CDYL: variants seen among roughly 807,000 people sequenced by gnomAD.
The protein encoded by CDYL is chromodomain Y like.
Under a neutral mutation model 47.3 loss-of-function variants are expected in CDYL, and 8 were observed. The observed-to-expected ratio is 0.17, with a 90% CI of 0.10 to 0.31. The LOEUF (loss-of-function observed/expected upper bound fraction) is 0.31. Among genes scored for constraint, CDYL ranks in the 10% least tolerant of loss-of-function variants. CDYL has a pLI of 1.00. For missense variants in CDYL, 471 were observed against 701.4 expected, an observed-to-expected ratio of 0.67 and a Z score of 3.71; for synonymous variants, 266 against 265.0, an observed-to-expected ratio of 1.00 and a Z score of -0.04.
At chr6:4,780,159 T>TCCCAG (rs1269649958) in intron 1 of CDYL, among the ~76,000 whole-genome samples, 2 of 152,058 alleles carry the variant, frequency 1.3e-5, no homozygotes, top group Admixed American at 6.6e-5. Flanking sequence ...CTAACTTTCA[T>TCCCAG]CCCAGCTCTA....
intron 2 of CDYL, among the ~76,000 whole-genome samples, chr6:4,911,058 C>T (rs1471740717): frequency 2.6e-5 from 4 of 152,110 alleles, no homozygotes; most frequent in Non-Finnish European, 5.9e-5. Flanking sequence ...GATCTCTTGA[C>T]CTCGTGATCC....
chr6:4,915,955 C>T (rs1357357397), intron 2 of CDYL, among the ~76,000 whole-genome samples: 1 of 152,238 alleles, frequency 6.6e-6, no homozygotes, highest in African/African-American at 2.4e-5. Flanking sequence ...ATAGGGCTTA[C>T]TCTTGCAACC....
At position 4,935,640 on chromosome 6, in the gene CDYL, C is replaced by A. The variant is rs192478143; in HGVS notation, c.817C>A (p.Arg273=). Residue 273 remains arginine, a synonymous_variant, in exon 3 of 7, where the codon CGA becomes AGA. Transcript: ENST00000397588. The stretch of plus-strand genomic sequence containing the variant: ...CAGAAGAGACCAGCCTTTTGACAAG[C>A]GATTGCGTTTCAGCGTGAGGCAAAC... ...DDRRDQPFDK[R]LRFSVRQTES... The A allele has an allele frequency of 3.3e-4, 537 of 1,614,186 alleles. No individual in the cohort carries two copies. The highest frequency in any genetic ancestry group is 2.7e-3 in the Admixed American group (161 of 60,030).
At chr6:4,799,341 G>C (rs1008764518) in intron 1 of CDYL, among the ~76,000 whole-genome samples, 4 of 152,118 alleles carry the variant, frequency 2.6e-5, no homozygotes, top group Admixed American at 2.6e-4. Context: ...CTTGGTGAAT[G>C]TTCTGTGTGT....
At chr6:4,728,107 C>G (rs140072569) in intron 2 of CDYL, among the ~76,000 whole-genome samples, 1 of 152,200 alleles carries the variant, frequency 6.6e-6, no homozygotes. Flanking sequence ...TTTAAGGACT[C>G]TTTCTTCAAC....
chr6:4,923,880 G>A (rs1241379504), intron 2 of CDYL, among the ~76,000 whole-genome samples: 1 of 140,190 alleles, frequency 7.1e-6, no homozygotes, highest in Non-Finnish European at 1.5e-5. Context: ...CAGCCTGGGT[G>A]ACAGAGTGAG....
intron 2 of CDYL, among the ~76,000 whole-genome samples, chr6:4,723,370 T>A (rs1462635542): frequency 2.0e-5 from 3 of 151,978 alleles, no homozygotes; most frequent in Non-Finnish European, 4.4e-5. Flanking sequence ...TGCACTGTGC[T>A]GAGCAGGAAT....
chr6:4,948,685 C>T (rs1389062309), intron 5 of CDYL, among the ~76,000 whole-genome samples: 1 of 152,196 alleles, frequency 6.6e-6, no homozygotes, highest in Non-Finnish European at 1.5e-5. Context: ...CCCCACAGGA[C>T]AGCCCCCACA....
intron 3 of CDYL, among the ~76,000 whole-genome samples, chr6:4,770,156 CAACTT>C (rs1474453972): frequency 2.6e-5 from 4 of 151,898 alleles, no homozygotes; most frequent in South Asian, 2.1e-4. Flanking sequence ...TTTTTCCTGA[CAACTT>C]AATGTCTATC....
chr6:4,820,368 G>C (rs1759800256), intron 1 of CDYL, among the ~76,000 whole-genome samples: 1 of 152,182 alleles, frequency 6.6e-6, no homozygotes, highest in Non-Finnish European at 1.5e-5. Context: ...TATAAAGCTA[G>C]GCGTTTCTCC....
intron 1 of CDYL, chr6:4,715,593 G>T: frequency 1.5e-6 from 1 of 659,564 alleles, no homozygotes; most frequent in South Asian, 2.8e-5. Flanking sequence ...ACTGCTTACT[G>T]ACATTTATTG....
intron 5 of CDYL, among the ~76,000 whole-genome samples, chr6:4,946,736 C>T (rs1364960874): frequency 1.3e-5 from 2 of 152,088 alleles, no homozygotes; most frequent in Non-Finnish European, 2.9e-5. Flanking sequence ...TGTGGGGTCC[C>T]GTGGTCGGGC....
chr6:4,943,833 T>G (rs1758434438), intron 5 of CDYL, 77 bp downstream of exon 5: 1 of 1,131,950 alleles, frequency 8.8e-7, no homozygotes, highest in African/African-American at 1.6e-5. Context: ...GGTTATTGTT[T>G]TTCTAAAGCT....
At chr6:4,817,744 G>A (rs928071988) in intron 1 of CDYL, among the ~76,000 whole-genome samples, 6 of 152,146 alleles carry the variant, frequency 3.9e-5, no homozygotes, top group African/African-American at 1.4e-4. Flanking sequence ...ACTTCTGTGT[G>A]TACTAGGGTT....
chr6:4,836,658 C>A lies in CDYL; in HGVS notation c.25-55055C>A, dbSNP rs1278570071. Among the ~76,000 whole-genome samples the A allele has an allele frequency of 2.0e-5, 3 of 152,134 alleles. No individual in the cohort carries two copies. In the East Asian group the frequency reaches 5.8e-4, roughly 29 times the overall value. ...CCTTATTTCTATGCTGACCACCATG[C>A]AGCAAGGAAAAATGTGCAAAGGAAA... On this transcript the variant is annotated intron_variant, in intron 1 of 6. Coordinates refer to ENST00000397588, the MANE Select transcript of CDYL (RefSeq NM_004824.4).
chr6:4,862,853 A>G (rs186452399), intron 1 of CDYL, among the ~76,000 whole-genome samples: 1 of 152,334 alleles, frequency 6.6e-6, no homozygotes, highest in East Asian at 1.9e-4. Flanking sequence ...TCTACTGGGT[A>G]TCTACCTAAA....
At chr6:4,940,335 A>G (rs958341130) in intron 4 of CDYL, among the ~76,000 whole-genome samples, 1 of 152,238 alleles carries the variant, frequency 6.6e-6, no homozygotes, top group Non-Finnish European at 1.5e-5. Flanking sequence ...GTTACACCAG[A>G]GTCACTTAAC....
At chr6:4,918,375 C>CT (rs1433774842) in intron 2 of CDYL, among the ~76,000 whole-genome samples, 2 of 150,330 alleles carry the variant, frequency 1.3e-5, no homozygotes, top group African/African-American at 2.4e-5. Flanking sequence ...TTCTGCCCCC[C>CT]CCCCTTTTTT....
intron 2 of CDYL, among the ~76,000 whole-genome samples, chr6:4,908,874 G>C (rs1161091540): frequency 6.6e-6 from 1 of 152,200 alleles, no homozygotes; most frequent in Non-Finnish European, 1.5e-5. Flanking sequence ...CCTCTCCTGT[G>C]CATGGTCACA....
Sources: allele counts gnomAD v4.1 joint callset (sites outside exome capture counted in the v4.1 genomes callset), GRCh38; gene constraint gnomAD v4.1.1; transcripts MANE v1.5; gene names NCBI Gene and HGNC (gene_info 2026-07-23, HGNC 2026-07-21).